Variants in TCP11 observed in about 807,000 individuals in gnomAD.
The protein encoded by TCP11 is T-complex protein 11 homolog.
A neutral mutation model predicts 45.0 loss-of-function variants in TCP11; 34 were observed. The observed-to-expected ratio is 0.76, with a 90% CI of 0.57 to 1.01. TCP11 has a LOEUF of 1.01. TCP11 is among the 50% of genes least tolerant of loss of function. The pLI is 0.00. For synonymous variants in TCP11, 227 were observed against 227.0 expected, an observed-to-expected ratio of 1.00 and a Z score of 0.00; for missense variants, 523 against 598.1, an observed-to-expected ratio of 0.87 and a Z score of 1.31.
In TCP11 at chr6:35,137,899, C is replaced by G; in HGVS notation, c.125-1681G>C. 7.3e-6 allele frequency: 3 copies of G among 411,194 alleles called. 1 individual carries two copies. Among genetic ancestry groups the G allele is most frequent in the South Asian group, 5.4e-5 (3 of 55,874 alleles). 25.5% of individuals were successfully genotyped at this position (411,194 alleles called of 1,614,324 possible). A position where few individuals can be genotyped will look rare whatever the true frequency, so the allele number is the denominator to read the frequency against. ...GCTCATTGTATTAGTCATTCTATTT[C>G]ATAAATGTATAATTTTTCTATAGTA... On this transcript the variant is annotated intron_variant, in intron 2 of 9. Coordinates refer to ENST00000311875, the MANE Select transcript of TCP11 (RefSeq NM_001370687.1).
Position 35,141,216 on chromosome 6 carries a change from C to T in TCP11, c.-26G>A. 3.6e-6 allele frequency: 5 copies of T among 1,405,590 alleles called. No homozygotes were observed. Among genetic ancestry groups the T allele is most frequent in the Non-Finnish European group, 4.6e-6 (5 of 1,081,498 alleles). The allele number at this position is 1,405,590 out of a possible 1,614,324, so 87.1% of individuals were successfully genotyped here. On this transcript the variant is annotated 5_prime_UTR_variant, in exon 1 of 10. Coordinates refer to ENST00000311875, the MANE Select transcript of TCP11 (RefSeq NM_001370687.1). ...TCCCAGGCCGTCACCTCCTCCTCCC[C>T]CGCCGCGGGTCATCCACTGGCGTCC...
chr6:35,139,869 C>A, intron 2 of TCP11: 2 of 685,396 alleles, frequency 2.9e-6, no homozygotes, highest in Non-Finnish European at 4.8e-6. Context: ...AATATAACAA[C>A]CAAGTCAACC....
intron 3 of TCP11, among the ~76,000 whole-genome samples, chr6:35,131,854 G>A (rs66855816): frequency 0.18 from 27,245 of 151,942 alleles, 3,035 homozygotes; most frequent in African/African-American, 0.29. Flanking sequence ...CACTCGCCTC[G>A]GCCTCCCAAA....
intron 3 of TCP11, among the ~76,000 whole-genome samples, chr6:35,133,733 C>G (rs753714071): frequency 6.6e-6 from 1 of 151,384 alleles, no homozygotes; most frequent in African/African-American, 2.4e-5. Context: ...GAGGTTGCAG[C>G]AAGCTGAGAT....
intron 2 of TCP11, among the ~76,000 whole-genome samples, chr6:35,139,150 T>G (rs1381348030): frequency 2.6e-5 from 4 of 151,752 alleles, no homozygotes; most frequent in East Asian, 1.9e-4. Flanking sequence ...ATCGCACCAT[T>G]GCACTCTAGC....
intron 2 of TCP11, chr6:35,139,978 A>T (rs1419908591): frequency 6.2e-7 from 1 of 1,605,884 alleles, no homozygotes; most frequent in East Asian, 2.2e-5. Flanking sequence ...ACACCTCAAA[A>T]ACTTAAATTG....
intron 2 of TCP11, among the ~76,000 whole-genome samples, chr6:35,136,655 G>A (rs533946673): frequency 1.3e-4 from 10 of 77,114 alleles, no homozygotes; most frequent in African/African-American, 5.3e-4. Flanking sequence ...TTACTGAATA[G>A]TGCCAAAGTC....
At position 35,118,082 on chromosome 6, in the gene TCP11, T is replaced by C; in HGVS notation, c.*187A>G. On this transcript the variant is annotated 3_prime_UTR_variant, in exon 10 of 10. Transcript: ENST00000311875. ...GGAAAAATGGAGGATTTCTTGCACT[T>C]AAGAAGTTTATTAATGAATGGGTAT... 1 of 599,830 alleles carries C rather than the reference T, an allele frequency of 1.7e-6. No individual in the cohort carries two copies. The highest frequency in any genetic ancestry group is 2.1e-5 in the South Asian group (1 of 47,594). 37.2% of individuals were successfully genotyped at this position (599,830 alleles called of 1,614,324 possible).
rs1420846718 is a variant in TCP11, at chr6:35,129,043, C to T, written c.357+19G>A. 9 of 1,610,956 alleles carry T rather than the reference C, an allele frequency of 5.6e-6. No individual in the cohort carries two copies. Among genetic ancestry groups the T allele is most frequent in the Non-Finnish European group, 6.8e-6 (8 of 1,178,922 alleles). ...GAGATGTCTAGAAACTTTACATTTA[C>T]AAATGGAAGGTCACTCACCTCTTTA... On this transcript the variant is annotated intron_variant, in intron 4 of 9. Coordinates refer to ENST00000311875, the MANE Select transcript of TCP11 (RefSeq NM_001370687.1).
Position 35,119,250 on chromosome 6 carries a change from C to T in TCP11, c.1257G>A (p.Glu419=). The T allele has an allele frequency of 6.2e-7, 1 of 1,614,200 alleles. No homozygotes were observed. The highest frequency in any genetic ancestry group is 8.5e-7 in the Non-Finnish European group (1 of 1,180,022). ...MGQLQNIAKK[E]NCVCSVIDQR... is the part of the protein sequence containing the mutation. The stretch of plus-strand genomic sequence containing the variant: ...CACCAATAACACTGCAGACACAGTT[C>T]TCCTTCTTGGCAATGTTCTGGAGCT... Residue 419 remains glutamate, a synonymous_variant, in exon 9 of 10, where the codon GAG becomes GAA. Transcript: ENST00000311875.
intron 3 of TCP11, among the ~76,000 whole-genome samples, chr6:35,134,469 CAG>C (rs1320383503): frequency 1.3e-5 from 2 of 151,718 alleles, no homozygotes; most frequent in Non-Finnish European, 2.9e-5. Context: ...TCAGTAGAGA[CAG>C]GGTTTCACCA....
chr6:35,122,877 T>G (rs1028406097), intron 4 of TCP11, among the ~76,000 whole-genome samples: 2 of 152,146 alleles, frequency 1.3e-5, no homozygotes, highest in African/African-American at 2.4e-5. Context: ...TTGAATAGAA[T>G]ATGGTGTTGT....
chr6:35,118,457 C>A lies in TCP11; in HGVS notation c.1324G>T (p.Val442Leu). The part of the protein sequence containing the change: ...LFLKCCLVLG[V>L]QRSLLDLPGG... Reference sequence around the variant, plus strand: ...GGAAGGTCTAATAGAGACCGCTGCACACCAAGAACCAAACAGCATTTGAGA... The same window carrying A: ...GGAAGGTCTAATAGAGACCGCTGCAAACCAAGAACCAAACAGCATTTGAGA... Residue 442 changes from valine (V) to leucine (L), a missense_variant, in exon 10 of 10, where the codon GTG becomes TTG. This residue lies in a region of TCP11 where 298 missense variants were observed against 387.9 expected (regional missense o/e 0.77). Transcript: ENST00000311875. 6.2e-7 allele frequency: 1 copy of A among 1,614,110 alleles called. No individual in the cohort carries two copies. Among genetic ancestry groups the A allele is most frequent in the Non-Finnish European group, 8.5e-7 (1 of 1,180,022 alleles).
chr6:35,129,930 G>A (rs566811770), intron 3 of TCP11, among the ~76,000 whole-genome samples: 21 of 152,134 alleles, frequency 1.4e-4, no homozygotes, highest in Middle Eastern at 3.4e-3. Context: ...ATGAGCCACC[G>A]TGCCAGCTAA....
chr6:35,130,666 C>T (rs1261813210), intron 3 of TCP11, among the ~76,000 whole-genome samples: 2 of 151,972 alleles, frequency 1.3e-5, no homozygotes, highest in Admixed American at 6.5e-5. Flanking sequence ...AAAAAGACAC[C>T]GCTATATGAC....
At chr6:35,141,055 G>A in intron 1 of TCP11, 150 bp downstream of exon 1, 2 of 1,224,770 alleles carry the variant, frequency 1.6e-6, no homozygotes. Flanking sequence ...GAGTGGGACA[G>A]AAGTGGAGCG....
intron 4 of TCP11, among the ~76,000 whole-genome samples, chr6:35,124,881 A>AT (rs1561995820): frequency 9.3e-5 from 14 of 150,978 alleles, no homozygotes; most frequent in East Asian, 1.9e-4. Flanking sequence ...TATAATAAAA[A>AT]ATATATATAT....
At chr6:35,128,966 C>A in intron 4 of TCP11, 96 bp downstream of exon 4, 1 of 1,490,580 alleles carries the variant, frequency 6.7e-7, no homozygotes, top group Non-Finnish European at 9.1e-7. Context: ...CTGACTGATT[C>A]ATGGACCATG....
intron 4 of TCP11, among the ~76,000 whole-genome samples, chr6:35,125,553 A>C (rs1453459163): frequency 3.3e-5 from 5 of 152,258 alleles, no homozygotes; most frequent in Admixed American, 2.6e-4. Flanking sequence ...ACCCTGGTAC[A>C]TTGCTGGTAG....
Sources: allele counts gnomAD v4.1 joint callset (sites outside exome capture counted in the v4.1 genomes callset), GRCh38; gene constraint gnomAD v4.1.1; regional missense constraint gnomAD v4.1.1; transcripts MANE v1.5; gene names NCBI Gene and HGNC (gene_info 2026-07-23, HGNC 2026-07-21).